STX16: variants seen among roughly 807,000 people sequenced by gnomAD.
STX16 encodes syntaxin 16, also known as syntaxin-16.
A neutral mutation model predicts 42.7 loss-of-function variants in STX16; 28 were observed. That is an observed-to-expected ratio of 0.66 (90% CI 0.49 to 0.90). The LOEUF (loss-of-function observed/expected upper bound fraction) is 0.90. Among genes scored for constraint, STX16 ranks in the 40% least tolerant of loss-of-function variants. STX16 has a pLI of 0.00. For missense variants in STX16, 361 were observed against 420.9 expected, an observed-to-expected ratio of 0.86 and a Z score of 1.24; for synonymous variants, 156 against 155.2, an observed-to-expected ratio of 1.00 and a Z score of -0.04.
rs2083600513 is a variant in STX16, at chr20:58,657,054, G to T, written c.133-2569G>T. Among the ~76,000 whole-genome samples the T allele has an allele frequency of 6.6e-6, 1 of 152,224 alleles. No individual in the cohort carries two copies. The highest frequency in any genetic ancestry group is 2.4e-5 in the African/African-American group (1 of 41,450). On this transcript the variant is annotated intron_variant, in intron 1 of 8. Transcript: ENST00000371141. This position sits in a 1 kb window ranked among gnomAD's most constrained non-coding sequence, Gnocchi z 4.2. The stretch of plus-strand genomic sequence containing the variant: ...CGTGCTCACCTCCTGGGCCACTCTG[G>T]TGTTGGCTGCATTTTCAGAACTTGT...
intron 1 of STX16, among the ~76,000 whole-genome samples, chr20:58,653,032 A>G (rs1444934301): frequency 6.6e-6 from 1 of 152,204 alleles, no homozygotes; most frequent in Non-Finnish European, 1.5e-5. Context: ...TGGATGATCT[A>G]TACCAGACAG....
rs574003361 is a variant in STX16 at position 58,667,719 on chromosome 20, T to C, written c.252+122T>C. The C allele has an allele frequency of 6.1e-5, 58 of 957,930 alleles. 2 individuals are homozygous for C. The Middle Eastern group carries it at 1.6e-3, about 27-fold the overall frequency. The allele number at this position is 957,930 out of a possible 1,614,324, so 59.3% of individuals were successfully genotyped here. A position where few individuals can be genotyped will look rare whatever the true frequency, so the allele number is the denominator to read the frequency against. The stretch of plus-strand genomic sequence containing the variant: ...TGAATGTATATTTCTAGAAATACTT[T>C]AGCTTTAGGTTAAGTTGTCTATGTG... On this transcript the variant is annotated intron_variant, in intron 3 of 8. Transcript: ENST00000371141.
chr20:58,652,182 T>A, intron 1 of STX16, 44 bp downstream of exon 1: 1 of 1,610,156 alleles, frequency 6.2e-7, no homozygotes, highest in Non-Finnish European at 8.5e-7. Context: ...CCGTGTGCAC[T>A]GCGGCTCTGC....
At position 58,669,464 on chromosome 20, in the gene STX16, C is replaced by G. The variant is rs185079495; in HGVS notation, c.556+11C>G. On this transcript the variant is annotated intron_variant, in intron 5 of 8. Coordinates refer to ENST00000371141, the MANE Select transcript of STX16 (RefSeq NM_001001433.3). ...CAGGCTACCTCAAACGTGAGTGCTG[C>G]CCGGGCCTAGTGAAGGGATTTTGAG... 3 of 1,594,218 alleles carry G rather than the reference C, an allele frequency of 1.9e-6. No homozygotes were observed. The South Asian group carries it at 3.4e-5, about 18-fold the overall frequency.
rs550011081 is a variant in STX16, at chr20:58,676,801, C to G, written c.*510C>G. The G allele has an allele frequency of 1.3e-5, 2 of 152,708 alleles. No individual in the cohort carries two copies. Among genetic ancestry groups the G allele is most frequent in the African/African-American group, 4.8e-5 (2 of 41,550 alleles). 9.5% of individuals were successfully genotyped at this position (152,708 alleles called of 1,614,324 possible). On this transcript the variant is annotated 3_prime_UTR_variant, in exon 9 of 9. Transcript: ENST00000371141. ...TATATATTTTCCAGTTGAAAACAAA[C>G]TAAGAAGTCCTTTAAGAATTTATAA...
intron 2 of STX16, 115 bp from the exon 3 acceptor site, chr20:58,667,374 TA>T: frequency 1.2e-6 from 1 of 861,802 alleles, no homozygotes; most frequent in Non-Finnish European, 1.9e-6. Context: ...TAAGAGAGAG[TA>T]AACATTCACT....
intron 6 of STX16, 43 bp downstream of exon 6, chr20:58,670,646 C>A (rs139470665): frequency 7.9e-6 from 12 of 1,525,192 alleles, no homozygotes; most frequent in African/African-American, 1.4e-5. Flanking sequence ...GTCTGTGCAC[C>A]CCATTCTGCA....
intron 1 of STX16, among the ~76,000 whole-genome samples, chr20:58,654,672 A>G (rs916359673): frequency 7.9e-5 from 12 of 152,224 alleles, no homozygotes; most frequent in African/African-American, 2.7e-4. Flanking sequence ...TTTCAAAGCC[A>G]TGTAGCAAAC....
chr20:58,673,671 C>G lies in STX16; in HGVS notation c.833C>G (p.Ser278Cys). 1 of 1,613,616 alleles carries G rather than the reference C, an allele frequency of 6.2e-7. No homozygotes were observed. Among genetic ancestry groups the G allele is most frequent in the Non-Finnish European group, 8.5e-7 (1 of 1,179,588 alleles). Residue 278 changes from serine (S) to cysteine (C), a missense_variant, in exon 8 of 9, where the codon TCC becomes TGC. Ser to Cys is a moderately radical substitution (Grantham distance 112). Coordinates refer to ENST00000371141, the MANE Select transcript of STX16 (RefSeq NM_001001433.3). Reference protein sequence around the residue: ...LDRIDYNVEQSCIKTEDGLKQ... With the variant: ...LDRIDYNVEQCCIKTEDGLKQ... ...AGAATTGACTATAACGTTGAACAGT[C>G]CTGTATCAAAACTGAAGATGGTTTG...
intron 2 of STX16, among the ~76,000 whole-genome samples, chr20:58,666,434 T>G (rs1475889850): frequency 6.7e-6 from 1 of 148,772 alleles, no homozygotes; most frequent in Admixed American, 6.7e-5. Context: ...TTTTTTTTTT[T>G]TTTTTTTTTT....
intron 1 of STX16, among the ~76,000 whole-genome samples, chr20:58,656,830 TGTGCC>T (rs775730030): frequency 3.0e-4 from 45 of 152,390 alleles, no homozygotes; most frequent in Non-Finnish European, 5.1e-4. Flanking sequence ...GAGTTTACTT[TGTGCC>T]TGGCTCTGGG....
rs929334174 is a variant in STX16, at chr20:58,671,102, T to G, written c.649-52T>G. 2.6e-6 allele frequency: 4 copies of G among 1,533,318 alleles called. No individual in the cohort carries two copies. In the African/African-American group the frequency reaches 4.1e-5, roughly 16 times the overall value. The allele number at this position is 1,533,318 out of a possible 1,614,324, so 95.0% of individuals were successfully genotyped here. ...TATATCTAAACAAGTATACCATAGC[T>G]TTCCTGAGAGGGAAAACAATCTATC... On this transcript the variant is annotated intron_variant, in intron 6 of 8. Transcript: ENST00000371141.
intron 1 of STX16, among the ~76,000 whole-genome samples, chr20:58,655,722 A>G (rs1444289559): frequency 1.3e-5 from 2 of 152,004 alleles, no homozygotes. Context: ...CTGTCTGGTA[A>G]CCCTGCAGCC....
intron 1 of STX16, among the ~76,000 whole-genome samples, chr20:58,652,981 C>G (rs2083505603): frequency 6.6e-6 from 1 of 151,982 alleles, no homozygotes; most frequent in Admixed American, 6.5e-5. Flanking sequence ...TTTTCCCTTT[C>G]TGAGCCTCAG....
rs140831227 is a variant in STX16, at chr20:58,664,419, A to T, written c.145-3071A>T. Among the ~76,000 whole-genome samples the T allele has an allele frequency of 3.8e-4, 58 of 152,318 alleles. No individual in the cohort carries two copies. The East Asian group carries it at 0.01, about 27-fold the overall frequency. ...ATAGACTGTATCATAAAAGAGACAA[A>T]TTATTCGCTATTTAAAGTTTTCATT... On this transcript the variant is annotated intron_variant, in intron 2 of 8. Coordinates refer to ENST00000371141, the MANE Select transcript of STX16 (RefSeq NM_001001433.3).
rs1323981851 is a variant in STX16, at chr20:58,676,835, C to G, written c.*544C>G. On this transcript the variant is annotated 3_prime_UTR_variant, in exon 9 of 9. Coordinates refer to ENST00000371141, the MANE Select transcript of STX16 (RefSeq NM_001001433.3). ...CCTTTAAGAATTTATAATCCGTTCC[C>G]CATTAACTTAATTTAGCTTTTCCAT... 1 of 152,600 alleles carries G rather than the reference C, an allele frequency of 6.6e-6. No individual in the cohort carries two copies. The highest frequency in any genetic ancestry group is 1.5e-5 in the Non-Finnish European group (1 of 68,064). 9.5% of individuals were successfully genotyped at this position (152,600 alleles called of 1,614,324 possible).
rs2084168364 is a variant in STX16 at position 58,677,784 on chromosome 20, G to C, written c.*1493G>C. Reference sequence around the variant, plus strand: ...AAATTTAAACTCAATTCCAGAGATTGAAGTTGTCCAAACAGCTCATGGGCT... The same window carrying C: ...AAATTTAAACTCAATTCCAGAGATTCAAGTTGTCCAAACAGCTCATGGGCT... On this transcript the variant is annotated 3_prime_UTR_variant, in exon 9 of 9. Transcript: ENST00000371141. The C allele has an allele frequency of 6.6e-6, 1 of 152,178 alleles. No homozygotes were observed. Among genetic ancestry groups the C allele is most frequent in the Admixed American group, 6.5e-5 (1 of 15,286 alleles). 9.4% of individuals were successfully genotyped at this position (152,178 alleles called of 1,614,324 possible). A position where few individuals can be genotyped will look rare whatever the true frequency, so the allele number is the denominator to read the frequency against.
intron 7 of STX16, among the ~76,000 whole-genome samples, chr20:58,672,477 G>T (rs1488555189): frequency 6.6e-6 from 1 of 151,792 alleles, no homozygotes; most frequent in African/African-American, 2.4e-5. Flanking sequence ...CTCATTATGT[G>T]TATGCAAATA....
chr20:58,651,771 G>T lies in STX16; in HGVS notation c.-236G>T. On this transcript the variant is annotated 5_prime_UTR_variant, in exon 1 of 9. Transcript: ENST00000371141. ...GGGGGGATTCAAGTGCTTAGAGATC[G>T]AAGTCTGCCCTGGGTAGGGGGAGTC... The T allele has an allele frequency of 8.4e-6, 4 of 475,086 alleles. No individual in the cohort carries two copies. Among genetic ancestry groups the T allele is most frequent in the South Asian group, 2.4e-5 (1 of 42,054 alleles). 29.4% of individuals were successfully genotyped at this position (475,086 alleles called of 1,614,324 possible).
Sources: allele counts gnomAD v4.1 joint callset (sites outside exome capture counted in the v4.1 genomes callset), GRCh38; gene constraint gnomAD v4.1.1; non-coding constraint Gnocchi (gnomAD v3.1); transcripts MANE v1.5; gene names NCBI Gene and HGNC (gene_info 2026-07-23, HGNC 2026-07-21).